PGM5: variants seen among roughly 807,000 people sequenced by gnomAD.
PGM5 encodes the protein phosphoglucomutase 5.
A neutral mutation model predicts 59.2 loss-of-function variants in PGM5; 23 were observed. The ratio of observed to expected loss-of-function variants is 0.39; its 90% CI spans 0.28 to 0.55. The LOEUF (loss-of-function observed/expected upper bound fraction) is 0.55. Among genes scored for constraint, PGM5 ranks in the 20% least tolerant of loss-of-function variants. The pLI is 0.66. For missense variants in PGM5, 574 were observed against 748.3 expected (o/e 0.77, Z 2.72); for synonymous variants, 214 against 286.0 (o/e 0.75, Z 2.54).
intron 1 of PGM5, among the ~76,000 whole-genome samples, chr9:68,361,652 G>T (rs1554676276): frequency 6.6e-6 from 1 of 152,200 alleles, no homozygotes; most frequent in Non-Finnish European, 1.5e-5. Flanking sequence ...GCTCTCTGGG[G>T]CCTCTTTTAT....
intron 10 of PGM5, among the ~76,000 whole-genome samples, chr9:68,517,537 T>C (rs981566394): frequency 3.3e-5 from 5 of 152,214 alleles, no homozygotes; most frequent in African/African-American, 1.2e-4. Context: ...CAGTAAGTCC[T>C]AGATTGGGGC....
intron 10 of PGM5, among the ~76,000 whole-genome samples, chr9:68,521,190 A>G (rs1485337095): frequency 1.3e-5 from 2 of 152,242 alleles, no homozygotes; most frequent in Non-Finnish European, 2.9e-5. Flanking sequence ...CATCTGTAAA[A>G]TGAGAATAAT....
chr9:68,517,976 G>C (rs568830564), intron 10 of PGM5, among the ~76,000 whole-genome samples: 1 of 152,342 alleles, frequency 6.6e-6, no homozygotes, highest in East Asian at 1.9e-4. Flanking sequence ...AGGTGCTTTT[G>C]ATGACTGGCA....
intron 9 of PGM5, among the ~76,000 whole-genome samples, chr9:68,488,648 T>A (rs1338299719): frequency 6.6e-6 from 1 of 152,180 alleles, no homozygotes; most frequent in Non-Finnish European, 1.5e-5. Flanking sequence ...CTGATGCATG[T>A]GTGACCTCGG....
intron 9 of PGM5, among the ~76,000 whole-genome samples, chr9:68,493,699 A>C (rs1215127348): frequency 3.5e-4 from 54 of 152,220 alleles, no homozygotes; most frequent in Admixed American, 3.5e-3. Flanking sequence ...AAGTGACTCA[A>C]GACCACCAGC....
At chr9:68,475,549 A>G (rs1554686590) in intron 7 of PGM5, among the ~76,000 whole-genome samples, 2 of 151,992 alleles carry the variant, frequency 1.3e-5, no homozygotes, top group South Asian at 2.1e-4. Context: ...CTTTTTTAGT[A>G]AACTGATTTT....
At chr9:68,362,428 G>A (rs1834593687) in intron 1 of PGM5, among the ~76,000 whole-genome samples, 1 of 152,122 alleles carries the variant, frequency 6.6e-6, no homozygotes. Context: ...GTTTTTATGT[G>A]GCTGTGTGAA....
intron 8 of PGM5, among the ~76,000 whole-genome samples, chr9:68,481,671 AT>A (rs1564017350): frequency 6.6e-6 from 1 of 152,182 alleles, no homozygotes; most frequent in Non-Finnish European, 1.5e-5. Flanking sequence ...AATGTAGTTT[AT>A]TTTTTGTGGC....
At chr9:68,470,859 G>A (rs533113266) in intron 7 of PGM5, among the ~76,000 whole-genome samples, 2 of 152,304 alleles carry the variant, frequency 1.3e-5, no homozygotes, top group South Asian at 2.1e-4. Context: ...GAGTGCATGT[G>A]TGCATTTCAA....
chr9:68,481,700 AT>A (rs782364160), intron 8 of PGM5, among the ~76,000 whole-genome samples: 1 of 152,258 alleles, frequency 6.6e-6, no homozygotes, highest in Non-Finnish European at 1.5e-5. Context: ...TTACATGATA[AT>A]TACTTCTTCA....
intron 9 of PGM5, among the ~76,000 whole-genome samples, chr9:68,491,644 T>C (rs1554687877): frequency 6.6e-6 from 1 of 152,236 alleles, no homozygotes; most frequent in African/African-American, 2.4e-5. Context: ...GTGATTTTCC[T>C]ATTTGTCCTC....
chr9:68,500,689 T>G (rs529688328), intron 10 of PGM5, among the ~76,000 whole-genome samples: 3 of 152,306 alleles, frequency 2.0e-5, no homozygotes, highest in East Asian at 3.9e-4. Context: ...ACATCTCATG[T>G]TGGGGAGGGA....
intron 6 of PGM5, among the ~76,000 whole-genome samples, chr9:68,428,098 A>G (rs1015878175): frequency 1.3e-5 from 2 of 152,346 alleles, no homozygotes; most frequent in Non-Finnish European, 2.9e-5. Context: ...TGGTACAACC[A>G]TATGTTCAGT....
In PGM5 at chr9:68,384,269, G is replaced by A. The variant is rs149961485; in HGVS notation, c.425-129G>A. 1,584 of 665,088 alleles carry A rather than the reference G, an allele frequency of 2.4e-3. 19 individuals are homozygous for A. The African/African-American group carries it at 0.027, about 11-fold the overall frequency. The allele number at this position is 665,088 out of a possible 1,614,324, so 41.2% of individuals were successfully genotyped here. A position where few individuals can be genotyped will look rare whatever the true frequency, so the allele number is the denominator to read the frequency against. On this transcript the variant is annotated intron_variant, in intron 2 of 10. Coordinates refer to ENST00000396396, the MANE Select transcript of PGM5 (RefSeq NM_021965.4). ...AAGAAATATCAAGGCTAATTGAACT[G>A]TGAACCATTGATCATTGTTTAGAGA...
intron 10 of PGM5, among the ~76,000 whole-genome samples, chr9:68,500,612 C>T (rs1479091555): frequency 6.6e-6 from 1 of 152,152 alleles, no homozygotes; most frequent in Non-Finnish European, 1.5e-5. Context: ...TACATTTCTC[C>T]CAAGATAGTA....
intron 6 of PGM5, among the ~76,000 whole-genome samples, chr9:68,412,676 G>T (rs1429876359): frequency 6.6e-6 from 1 of 152,170 alleles, no homozygotes; most frequent in Admixed American, 6.5e-5. Context: ...TATCCAGCTG[G>T]CCATAGCGGC....
At chr9:68,461,686 C>G (rs974549389) in intron 6 of PGM5, among the ~76,000 whole-genome samples, 5 of 152,086 alleles carry the variant, frequency 3.3e-5, no homozygotes, top group Non-Finnish European at 7.4e-5. Flanking sequence ...CTTCACCACA[C>G]CAGATGCTGG....
At chr9:68,374,756 T>C (rs1381610014) in intron 1 of PGM5, among the ~76,000 whole-genome samples, 3 of 152,324 alleles carry the variant, frequency 2.0e-5, no homozygotes, top group African/African-American at 7.2e-5. Context: ...ATTCAACAGA[T>C]ATTTATTGTA....
Position 68,391,390 on chromosome 9 carries a change from T to G in PGM5, c.698-144T>G, listed in dbSNP as rs1378365652. ...AATAAATAGTAGTTCAAGCAAATAT[T>G]GTTCTATATTGTATCTTTAAAACGA... On this transcript the variant is annotated intron_variant, in intron 4 of 10. Coordinates refer to ENST00000396396, the MANE Select transcript of PGM5 (RefSeq NM_021965.4). 3 of 660,676 alleles carry G rather than the reference T, an allele frequency of 4.5e-6. No homozygotes were observed. In the African/African-American group the frequency reaches 5.6e-5, roughly 12 times the overall value. The allele number at this position is 660,676 out of a possible 1,614,324, so 40.9% of individuals were successfully genotyped here.
Sources: allele counts gnomAD v4.1 joint callset (sites outside exome capture counted in the v4.1 genomes callset), GRCh38; gene constraint gnomAD v4.1.1; transcripts MANE v1.5; gene names NCBI Gene and HGNC (gene_info 2026-07-23, HGNC 2026-07-21).